The following VPS13D variants were observed in gnomAD, a reference collection of about 807,000 sequenced individuals.
VPS13D encodes intermembrane lipid transfer protein VPS13D.
Under a neutral mutation model 461.9 loss-of-function variants are expected in VPS13D, and 187 were observed. The observed-to-expected ratio is 0.40, with a 90% CI of 0.36 to 0.46. The LOEUF is 0.46. Among genes scored for constraint, VPS13D ranks in the 20% least tolerant of loss-of-function variants. The probability of loss-of-function intolerance (pLI) is 0.60; values close to 1 mark genes in which losing one functional copy is unlikely to be tolerated. For missense variants in VPS13D, 4,711 were observed against 5,364.9 expected (o/e 0.88, Z 3.81); for synonymous variants, 1,951 against 1,986.3 (o/e 0.98, Z 0.47).
At chr1:12,404,029 G>A (rs1644615122) in intron 63 of VPS13D, 56 bp downstream of exon 63, 3 of 1,509,186 alleles carry the variant, frequency 2.0e-6, no homozygotes, top group South Asian at 2.6e-5. Flanking sequence ...AAAAGAATGA[G>A]TGTGTTTACT....
At chr1:12,470,269 G>A (rs1000568208) in intron 67 of VPS13D, among the ~76,000 whole-genome samples, 2 of 152,198 alleles carry the variant, frequency 1.3e-5, no homozygotes, top group African/African-American at 4.8e-5. Context: ...TGGTAACCTC[G>A]CGGAGTAATG....
chr1:12,277,948 T>C lies in VPS13D; in HGVS notation c.4360T>C (p.Cys1454Arg). The C allele has an allele frequency of 6.2e-7, 1 of 1,614,222 alleles. No homozygotes were observed. ...TGGGTCTGAAGGAAGCCGGATGTTT[T>C]GCCCACCTTCCGGGTCTGGCAGTGC... is the stretch of plus-strand genomic sequence containing the variant. ...AVGSEGSRMF[C>R]PPSGSGSANS... is the part of the protein sequence containing the mutation. The change falls in exon 19 of 70, where the codon TGC becomes CGC. Residue 1454 changes from cysteine (C) to arginine (R), a missense_variant. Coordinates refer to ENST00000620676, the MANE Select transcript of VPS13D (RefSeq NM_015378.4).
intron 13 of VPS13D, among the ~76,000 whole-genome samples, chr1:12,265,299 T>G (rs1188650468): frequency 3.9e-5 from 6 of 152,184 alleles, no homozygotes; most frequent in African/African-American, 1.4e-4. Context: ...GTTTGTTTCT[T>G]TAATTAATTG....
intron 13 of VPS13D, among the ~76,000 whole-genome samples, chr1:12,265,027 T>C (rs981695518): frequency 6.6e-6 from 1 of 152,148 alleles, no homozygotes; most frequent in Non-Finnish European, 1.5e-5. Context: ...GCTTGTGTTC[T>C]ATCAATGGAG....
At position 12,322,557 on chromosome 1, in the gene VPS13D, A is replaced by C; in HGVS notation, c.7726A>C (p.Ile2576Leu). The C allele has an allele frequency of 6.2e-7, 1 of 1,614,248 alleles. No individual in the cohort carries two copies. The highest frequency in any genetic ancestry group is 8.5e-7 in the Non-Finnish European group (1 of 1,180,046). ...TTAGATTCAGTTACAAGCCCTGGAT[A>C]TCAGACTCTCCTATAATGATGTTCA... is the stretch of plus-strand genomic sequence containing the variant. ...VLEIQLQALD[I>L]RLSYNDVQLF... The change falls in exon 34 of 70, where the codon ATC becomes CTC. Residue 2576 changes from isoleucine (I) to leucine (L), a missense_variant. By Grantham distance (5) the Ile-to-Leu change is conservative. Around this residue, in one of 3 missense-constraint regions of VPS13D, gnomAD observed 4,411 missense variants for 4,937.8 expected, o/e 0.89. Coordinates refer to ENST00000620676, the MANE Select transcript of VPS13D (RefSeq NM_015378.4).
chr1:12,410,826 G>T (rs777122452), intron 63 of VPS13D, among the ~76,000 whole-genome samples: 1 of 152,124 alleles, frequency 6.6e-6, no homozygotes, highest in Admixed American at 6.5e-5. Context: ...CACATTTGCA[G>T]ATAAATTTGG....
chr1:12,479,806 C>T (rs1645689420), intron 67 of VPS13D, among the ~76,000 whole-genome samples: 1 of 152,192 alleles, frequency 6.6e-6, no homozygotes, highest in African/African-American at 2.4e-5. Context: ...TAATATCTGC[C>T]TATAGCCCAG....
chr1:12,503,999 C>T (rs963497062), intron 68 of VPS13D, among the ~76,000 whole-genome samples: 8 of 152,036 alleles, frequency 5.3e-5, no homozygotes, highest in East Asian at 1.9e-4. Context: ...GGGCGGGGAG[C>T]GTGCCGCGTT....
chr1:12,232,069 TATAAC>T (rs774149319), intron 1 of VPS13D, among the ~76,000 whole-genome samples: 2 of 152,242 alleles, frequency 1.3e-5, no homozygotes, highest in African/African-American at 2.4e-5. Context: ...AAATTGTTCT[TATAAC>T]ATCTTCTTTA....
chr1:12,495,018 T>G lies in VPS13D; in HGVS notation c.12663-2482T>G, dbSNP rs368177763. ...ACTGTTCTCCATCCCAGGAATGCAGTGAATGAAACAAATTCCCCCTCTCCT... is the reference window on the plus strand; with the variant it reads ...ACTGTTCTCCATCCCAGGAATGCAGGGAATGAAACAAATTCCCCCTCTCCT... On this transcript the variant is annotated intron_variant, in intron 67 of 69. Transcript: ENST00000620676. This position sits in a 1 kb window ranked among gnomAD's most constrained non-coding sequence, Gnocchi z 4.0. 3.3e-5 allele frequency among the ~76,000 whole-genome samples: 5 copies of G among 152,294 alleles called. No individual in the cohort carries two copies. The South Asian group carries it at 1.0e-3, about 32-fold the overall frequency.
At chr1:12,481,173 C>T (rs1388782049) in intron 67 of VPS13D, among the ~76,000 whole-genome samples, 1 of 152,230 alleles carries the variant, frequency 6.6e-6, no homozygotes, top group Non-Finnish European at 1.5e-5. Context: ...CTCCTGGCTG[C>T]ACCTGCTTTT....
At chr1:12,239,006 C>A (rs1640258418) in intron 2 of VPS13D, among the ~76,000 whole-genome samples, 2 of 152,042 alleles carry the variant, frequency 1.3e-5, no homozygotes, top group South Asian at 4.1e-4. Flanking sequence ...TACGGTAATA[C>A]AAGGCAGTAT....
chr1:12,304,033 A>G (rs1037543691), intron 25 of VPS13D, among the ~76,000 whole-genome samples: 3 of 152,244 alleles, frequency 2.0e-5, no homozygotes, highest in Non-Finnish European at 4.4e-5. Context: ...TAGATGGGAA[A>G]TGTAAACCCA....
intron 56 of VPS13D, 96 bp from the exon 57 acceptor site, chr1:12,379,392 A>G (rs1440164538): frequency 3.6e-6 from 4 of 1,112,802 alleles, no homozygotes; most frequent in Admixed American, 4.3e-5. Context: ...AGGGCATTAG[A>G]AGGAAGAAGA....
chr1:12,365,715 A>AT (rs1165585696), intron 52 of VPS13D, among the ~76,000 whole-genome samples: 2 of 152,082 alleles, frequency 1.3e-5, no homozygotes, highest in East Asian at 3.9e-4. Context: ...AAAAAAAAAA[A>AT]AAAAATTCTT....
intron 67 of VPS13D, among the ~76,000 whole-genome samples, chr1:12,485,220 C>T (rs1052800226): frequency 9.2e-5 from 14 of 152,354 alleles, no homozygotes; most frequent in Non-Finnish European, 1.3e-4. Flanking sequence ...ACCGCATGGG[C>T]CCGGCTTCAG....
chr1:12,455,728 G>T (rs1263146836), intron 65 of VPS13D, among the ~76,000 whole-genome samples: 1 of 152,152 alleles, frequency 6.6e-6, no homozygotes, highest in Non-Finnish European at 1.5e-5. Flanking sequence ...AGACTAGCCT[G>T]ACCAACATGG....
At chr1:12,488,140 C>G (rs1428034712) in intron 67 of VPS13D, among the ~76,000 whole-genome samples, 1 of 152,196 alleles carries the variant, frequency 6.6e-6, no homozygotes, top group Non-Finnish European at 1.5e-5. Context: ...GAACTTGTCC[C>G]CCAGGGTGCT....
At chr1:12,492,117 A>G (rs530754803) in intron 67 of VPS13D, among the ~76,000 whole-genome samples, 1 of 152,232 alleles carries the variant, frequency 6.6e-6, no homozygotes, top group African/African-American at 2.4e-5. Flanking sequence ...AGTAGCAGCA[A>G]AGGTGGTCAG....
Sources: gnomAD v4.1 joint callset for allele counts (sites outside exome capture counted in the v4.1 genomes callset) on GRCh38, gnomAD v4.1.1 for gene constraint, gnomAD v4.1.1 regional missense constraint, Gnocchi (gnomAD v3.1) non-coding constraint, MANE v1.5 for transcripts, NCBI Gene and HGNC (gene_info 2026-07-23, HGNC 2026-07-21) for gene names.